Variants in PAK5 observed in about 807,000 individuals in gnomAD.
The protein encoded by PAK5 is serine/threonine-protein kinase PAK 5.
Under a neutral mutation model 65.9 loss-of-function variants are expected in PAK5, and 16 were observed. The observed-to-expected ratio is 0.24, with a 90% CI of 0.16 to 0.37. The LOEUF is 0.37. Ranked by LOEUF, PAK5 falls within the 10% of genes least tolerant of loss-of-function variation. The pLI is 1.00. For synonymous variants in PAK5, 371 were observed against 354.9 expected (o/e 1.05, Z -0.51); for missense variants, 785 against 903.9 (o/e 0.87, Z 1.69).
chr20:9,763,943 A>G (rs1022748594), intron 1 of PAK5, among the ~76,000 whole-genome samples: 8 of 152,162 alleles, frequency 5.3e-5, no homozygotes, highest in Non-Finnish European at 1.0e-4. Context: ...TGCAGGTATG[A>G]CACTTCACCA....
chr20:9,765,505 G>A (rs1291522833), intron 1 of PAK5, among the ~76,000 whole-genome samples: 1 of 151,704 alleles, frequency 6.6e-6, no homozygotes, highest in Admixed American at 6.6e-5. Flanking sequence ...GCTATTTTCT[G>A]TGGCATTCTG....
chr20:9,711,517 C>T (rs1022231787), intron 1 of PAK5, 82 bp from the exon 2 acceptor site: 8 of 152,192 alleles, frequency 5.3e-5, no homozygotes, highest in African/African-American at 1.7e-4. Context: ...GCCACATTTA[C>T]TTTACATTCT....
chr20:9,682,743 G>A (rs964346044), intron 2 of PAK5, among the ~76,000 whole-genome samples: 4 of 152,188 alleles, frequency 2.6e-5, no homozygotes, highest in African/African-American at 9.7e-5. Context: ...TTCTTAAATA[G>A]GTGTAAGAAG....
chr20:9,548,760 T>C (rs987714792), intron 7 of PAK5, among the ~76,000 whole-genome samples: 1 of 152,258 alleles, frequency 6.6e-6, no homozygotes, highest in Non-Finnish European at 1.5e-5. Flanking sequence ...ACACTGAAGA[T>C]AGCTGTTGCT....
At chr20:9,817,450 G>A (rs1055316646) in intron 1 of PAK5, among the ~76,000 whole-genome samples, 2 of 152,096 alleles carry the variant, frequency 1.3e-5, no homozygotes, top group African/African-American at 4.8e-5. Context: ...TATGTGCCAG[G>A]CCCTGGAGAT....
intron 1 of PAK5, among the ~76,000 whole-genome samples, chr20:9,725,345 G>A (rs1484987584): frequency 1.4e-5 from 2 of 145,668 alleles, no homozygotes; most frequent in Non-Finnish European, 3.0e-5. Context: ...AAACAAGAGA[G>A]AAATTAAACT....
intron 1 of PAK5, among the ~76,000 whole-genome samples, chr20:9,781,292 T>C (rs2048937998): frequency 6.6e-6 from 1 of 152,068 alleles, no homozygotes; most frequent in African/African-American, 2.4e-5. Flanking sequence ...TAAAATAAGG[T>C]ATAAAGAAAT....
intron 1 of PAK5, among the ~76,000 whole-genome samples, chr20:9,782,459 T>C (rs1390884882): frequency 1.3e-5 from 2 of 152,242 alleles, no homozygotes; most frequent in Non-Finnish European, 2.9e-5. Context: ...CGACATGCTA[T>C]TGATTGTAAG....
chr20:9,554,797 T>C (rs573358536), intron 7 of PAK5, among the ~76,000 whole-genome samples: 158 of 152,306 alleles, frequency 1.0e-3, no homozygotes, highest in African/African-American at 3.6e-3. Flanking sequence ...TGAACATGAA[T>C]GAGTAAACTC....
rs1603191037 is a variant in PAK5, at chr20:9,544,367, A to C, written c.1869+2T>G. 6.2e-7 allele frequency: 1 copy of C among 1,613,342 alleles called. No individual in the cohort carries two copies. The highest frequency in any genetic ancestry group is 8.5e-7 in the Non-Finnish European group (1 of 1,179,790). ...CCACGCCTATGACTGTGACCCCCTTACCTCTGTCCCATAAGGTAGCCTAGA... is the reference window on the plus strand; with the variant it reads ...CCACGCCTATGACTGTGACCCCCTTCCCTCTGTCCCATAAGGTAGCCTAGA... On this transcript the variant is annotated splice_donor_variant, in intron 8 of 9. Transcript: ENST00000353224. LOFTEE classifies it high-confidence loss of function.
chr20:9,745,613 C>G (rs2048498264), intron 1 of PAK5, among the ~76,000 whole-genome samples: 1 of 152,102 alleles, frequency 6.6e-6, no homozygotes, highest in Admixed American at 6.5e-5. Flanking sequence ...CACTTCTACA[C>G]TAGTGCCTCT....
intron 1 of PAK5, among the ~76,000 whole-genome samples, chr20:9,800,860 T>C (rs2049161137): frequency 6.6e-6 from 1 of 151,684 alleles, no homozygotes; most frequent in Non-Finnish European, 1.5e-5. Context: ...CTCCATCACA[T>C]TCCCAGCTCC....
intron 2 of PAK5, among the ~76,000 whole-genome samples, chr20:9,669,296 T>C (rs1325260653): frequency 6.6e-6 from 1 of 152,164 alleles, no homozygotes; most frequent in Non-Finnish European, 1.5e-5. Context: ...TTTTATTTCT[T>C]ATATACTTAT....
At chr20:9,611,114 C>T (rs965373669) in intron 3 of PAK5, among the ~76,000 whole-genome samples, 8 of 152,212 alleles carry the variant, frequency 5.3e-5, no homozygotes, top group African/African-American at 1.7e-4. Context: ...GTTACAGCAG[C>T]AGGAAAGGAC....
At chr20:9,555,459 C>T (rs1357861227) in intron 7 of PAK5, among the ~76,000 whole-genome samples, 1 of 152,150 alleles carries the variant, frequency 6.6e-6, no homozygotes, top group African/African-American at 2.4e-5. Context: ...GAAGCCTGTA[C>T]CATAAATTTC....
chr20:9,576,903 G>A (rs151123745), intron 4 of PAK5, among the ~76,000 whole-genome samples: 87 of 152,324 alleles, frequency 5.7e-4, no homozygotes, highest in African/African-American at 2.0e-3. Context: ...ATGAACTGGT[G>A]GGATTGTTAT....
intron 1 of PAK5, among the ~76,000 whole-genome samples, chr20:9,735,576 A>G (rs1284075948): frequency 1.3e-5 from 2 of 152,156 alleles, no homozygotes; most frequent in Non-Finnish European, 2.9e-5. Context: ...GGGAATAATT[A>G]CCCCAGATTG....
intron 1 of PAK5, among the ~76,000 whole-genome samples, chr20:9,749,550 A>G (rs550541484): frequency 6.6e-6 from 1 of 152,302 alleles, no homozygotes; most frequent in East Asian, 1.9e-4. Context: ...GTTCTGAAAT[A>G]AGTACTAATT....
rs150828790 is a variant in PAK5, at chr20:9,542,597, C to T, written c.1993G>A (p.Asp665Asn). 3,400 of 1,614,080 alleles carry T rather than the reference C, an allele frequency of 2.1e-3. 4 individuals are homozygous for T. The highest frequency in any genetic ancestry group is 2.7e-3 in the Non-Finnish European group (3,160 of 1,179,996). Residue 665 changes from aspartate (D) to asparagine (N), a missense_variant, in exon 9 of 10, where the codon GAC becomes AAC. This residue lies in a region of PAK5 where 110 missense variants were observed against 107.4 expected (regional missense o/e 1.02). Transcript: ENST00000353224. ...IRDSLPPRVKDLHKVSSVLRG... is the reference protein window; with the variant it reads ...IRDSLPPRVKNLHKVSSVLRG... ...CTGCTGTTTCTCACCTTGTGTAGGT[C>T]CTTCACTCTTGGAGGTAAACTGTCC...
Sources: allele counts gnomAD v4.1 joint callset (sites outside exome capture counted in the v4.1 genomes callset), GRCh38; gene constraint gnomAD v4.1.1; regional missense constraint gnomAD v4.1.1; transcripts MANE v1.5; gene names NCBI Gene and HGNC (gene_info 2026-07-23, HGNC 2026-07-21).